RB1: variants seen among roughly 807,000 people sequenced by gnomAD.
RB1 encodes the protein RB transcriptional corepressor 1, also known as retinoblastoma-associated protein.
In RB1, 18 loss-of-function variants were observed where a neutral mutation model predicts 135.4. That is an observed-to-expected ratio of 0.13 (90% CI 0.09 to 0.20). The LOEUF is 0.20. Ranked by LOEUF, RB1 falls within the 10% of genes least tolerant of loss-of-function variation. The pLI is 1.00. For missense variants in RB1, 868 were observed against 1,110.0 expected (o/e 0.78, Z 3.10); for synonymous variants, 365 against 373.2 (o/e 0.98, Z 0.25).
intron 2 of RB1, among the ~76,000 whole-genome samples, chr13:48,307,699 CA>C (rs11452683): frequency 2.5e-4 from 33 of 129,658 alleles, no homozygotes; most frequent in African/African-American, 3.5e-4. Context: ...TACTAAAATA[CA>C]AAAAAAAAAA....
chr13:48,441,926 T>C (rs1331416851), intron 17 of RB1, among the ~76,000 whole-genome samples: 1 of 152,194 alleles, frequency 6.6e-6, no homozygotes, highest in Non-Finnish European at 1.5e-5. Context: ...TTCACAAATC[T>C]TAGTCATGAG....
At chr13:48,473,901 T>C (rs1949488114) in intron 24 of RB1, among the ~76,000 whole-genome samples, 1 of 152,152 alleles carries the variant, frequency 6.6e-6, no homozygotes, top group South Asian at 2.1e-4. Flanking sequence ...TCCGTCTGAC[T>C]TGAATACGAA....
intron 2 of RB1, 152 bp downstream of exon 2, chr13:48,307,558 A>G: frequency 1.1e-6 from 1 of 876,162 alleles, no homozygotes; most frequent in Non-Finnish European, 1.7e-6. Flanking sequence ...CTCTGCTAAC[A>G]TTAAAAATGT....
chr13:48,372,834 A>G (rs1952775320), intron 11 of RB1, among the ~76,000 whole-genome samples: 1 of 152,152 alleles, frequency 6.6e-6, no homozygotes, highest in African/African-American at 2.4e-5. Context: ...AAATTGTAAC[A>G]TTGATATTTA....
At position 48,479,989 on chromosome 13, in the gene RB1, T is replaced by C. The variant is rs1432798193; in HGVS notation, c.2714-9T>C. On this transcript the variant is annotated splice_polypyrimidine_tract_variant and intron_variant, in intron 26 of 26. Transcript: ENST00000267163. ...CAATGCTGTTAACAGTTCTTCATCC[T>C]TTTTCCAGCTTCTACTCGAACACGA... The C allele has an allele frequency of 6.2e-7, 1 of 1,606,222 alleles. No individual in the cohort carries two copies. The highest frequency in any genetic ancestry group is 1.7e-5 in the Admixed American group (1 of 59,846).
intron 17 of RB1, among the ~76,000 whole-genome samples, chr13:48,398,493 C>T (rs1948665459): frequency 6.6e-6 from 1 of 151,868 alleles, no homozygotes; most frequent in Admixed American, 6.6e-5. Flanking sequence ...TTTTCTTTCT[C>T]AATAGTTTGA....
At chr13:48,374,077 G>C (rs1322002879) in intron 12 of RB1, among the ~76,000 whole-genome samples, 1 of 152,006 alleles carries the variant, frequency 6.6e-6, no homozygotes, top group Non-Finnish European at 1.5e-5. Flanking sequence ...TTTGAATGTA[G>C]TATTAGATAG....
intron 2 of RB1, among the ~76,000 whole-genome samples, chr13:48,313,241 C>T (rs1312870874): frequency 3.9e-5 from 6 of 151,996 alleles, no homozygotes; most frequent in Non-Finnish European, 7.4e-5. Flanking sequence ...AAAGCTTCTC[C>T]TTTATGCATA....
intron 17 of RB1, among the ~76,000 whole-genome samples, chr13:48,415,479 C>T (rs1429928903): frequency 2.0e-5 from 3 of 151,962 alleles, no homozygotes; most frequent in South Asian, 2.1e-4. Flanking sequence ...AGGGTTTTAC[C>T]ATGTGGCCAG....
chr13:48,404,833 A>G (rs948743579), intron 17 of RB1, among the ~76,000 whole-genome samples: 3 of 152,160 alleles, frequency 2.0e-5, no homozygotes, highest in African/African-American at 7.2e-5. Flanking sequence ...CAAAAAATTC[A>G]GAATTCTAAA....
At chr13:48,326,764 C>A (rs2138063521) in intron 2 of RB1, among the ~76,000 whole-genome samples, 1 of 152,036 alleles carries the variant, frequency 6.6e-6, no homozygotes, top group African/African-American at 2.4e-5. Context: ...AAGCTGCCTC[C>A]AAATACAATA....
At chr13:48,335,096 C>T (rs1251037558) in intron 2 of RB1, among the ~76,000 whole-genome samples, 2 of 152,020 alleles carry the variant, frequency 1.3e-5, no homozygotes, top group Admixed American at 1.3e-4. Flanking sequence ...TATATATTTT[C>T]ATTTTCTCTT....
chr13:48,362,994 G>A (rs372928751), intron 8 of RB1, 37 bp downstream of exon 8: 9 of 1,601,228 alleles, frequency 5.6e-6, no homozygotes, highest in Non-Finnish European at 6.8e-6. Flanking sequence ...AACAGTTAAA[G>A]TAGATTTAGA....
intron 17 of RB1, among the ~76,000 whole-genome samples, chr13:48,387,969 C>A (rs1268194487): frequency 1.3e-5 from 2 of 152,156 alleles, no homozygotes; most frequent in Non-Finnish European, 2.9e-5. Context: ...GAAATGCTTT[C>A]CTCTGCCTTT....
In RB1 at chr13:48,392,298, A is replaced by T. The variant is rs541016564; in HGVS notation, c.1695+10855A>T. Among the ~76,000 whole-genome samples the T allele has an allele frequency of 1.3e-3, 202 of 152,136 alleles. 2 individuals are homozygous for T. The highest frequency in any genetic ancestry group is 6.8e-3 in the Middle Eastern group (2 of 294). On this transcript the variant is annotated intron_variant, in intron 17 of 26. Coordinates refer to ENST00000267163, the MANE Select transcript of RB1 (RefSeq NM_000321.3). ...GCTAATTTTTGTATTTTTAGTAAAGATGGGGTTTCACCATGCTGGCCAGGC... is the reference window on the plus strand; with the variant it reads ...GCTAATTTTTGTATTTTTAGTAAAGTTGGGGTTTCACCATGCTGGCCAGGC...
At position 48,344,327 on chromosome 13, in the gene RB1, C is replaced by T. The variant is rs117617222; in HGVS notation, c.381-753C>T. Among the ~76,000 whole-genome samples the T allele has an allele frequency of 5.5e-3, 844 of 152,216 alleles. 5 individuals are homozygous for T. The highest frequency in any genetic ancestry group is 0.01 in the Middle Eastern group (3 of 294). On this transcript the variant is annotated intron_variant, in intron 3 of 26. Coordinates refer to ENST00000267163, the MANE Select transcript of RB1 (RefSeq NM_000321.3). ...TATGCATTTTGGTGTGTATCTCTGACAGGAGGGTGCCACAGGGCCCAGAGC... is the reference window on the plus strand; with the variant it reads ...TATGCATTTTGGTGTGTATCTCTGATAGGAGGGTGCCACAGGGCCCAGAGC...
At chr13:48,464,882 C>A (rs1593538906) in intron 21 of RB1, 116 bp from the exon 22 acceptor site, 1 of 1,187,778 alleles carries the variant, frequency 8.4e-7, no homozygotes, top group Non-Finnish European at 1.1e-6. Flanking sequence ...TCTTACCAGT[C>A]AAAAAGTATT....
intron 6 of RB1, 38 bp from the exon 7 acceptor site, chr13:48,359,979 T>C (rs1255956345): frequency 2.5e-6 from 4 of 1,607,180 alleles, no homozygotes; most frequent in Non-Finnish European, 3.4e-6. Flanking sequence ...AAGATCTGAA[T>C]CTCTAACTTT....
chr13:48,311,267 A>G (rs1419510203), intron 2 of RB1, among the ~76,000 whole-genome samples: 2 of 152,208 alleles, frequency 1.3e-5, no homozygotes. Flanking sequence ...GCTTTGGGAT[A>G]TATTGCTCTT....
Sources: gnomAD v4.1 joint callset for allele counts (sites outside exome capture counted in the v4.1 genomes callset) on GRCh38, gnomAD v4.1.1 for gene constraint, MANE v1.5 for transcripts, NCBI Gene and HGNC (gene_info 2026-07-23, HGNC 2026-07-21) for gene names.